Variants in TDRD3 observed in about 807,000 individuals in gnomAD.
The protein encoded by TDRD3 is tudor domain-containing protein 3.
Under a neutral mutation model 86.7 loss-of-function variants are expected in TDRD3, and 45 were observed. The observed-to-expected ratio is 0.52, with a 90% CI of 0.41 to 0.67. The LOEUF (loss-of-function observed/expected upper bound fraction) is 0.67, where lower values mean the gene tolerates loss of function less well. TDRD3 is among the 30% of genes least tolerant of loss of function. TDRD3 has a pLI of 0.00. For missense variants in TDRD3, 814 were observed against 889.0 expected (o/e 0.92, Z 1.07); for synonymous variants, 298 against 301.7 (o/e 0.99, Z 0.13).
intron 7 of TDRD3, among the ~76,000 whole-genome samples, chr13:60,486,551 T>C (rs1440856886): frequency 6.6e-6 from 1 of 152,214 alleles, no homozygotes; most frequent in African/African-American, 2.4e-5. Flanking sequence ...GTGTATACAA[T>C]ATGTAATGAT....
At chr13:60,451,873 A>T (rs544914303) in intron 3 of TDRD3, among the ~76,000 whole-genome samples, 57 of 152,176 alleles carry the variant, frequency 3.7e-4, no homozygotes, top group African/African-American at 1.3e-3. Flanking sequence ...AATGATTAAG[A>T]CTCTTAAAAA....
chr13:60,483,817 G>C lies in TDRD3; in HGVS notation c.538G>C (p.Gly180Arg). The C allele has an allele frequency of 6.2e-7, 1 of 1,613,292 alleles. No individual in the cohort carries two copies. Among genetic ancestry groups the C allele is most frequent in the African/African-American group, 1.3e-5 (1 of 74,990 alleles). The change falls in exon 6 of 14, where the codon GGA (glycine) becomes CGA (arginine). Residue 180 changes from glycine (G) to arginine (R), a missense_variant. Gly to Arg is a moderately radical substitution (Grantham distance 125). Coordinates refer to ENST00000377881, the MANE Select transcript of TDRD3 (RefSeq NM_001146070.2). ...TAGAAGCAATATTGGAACTGAAGGT[G>C]GACCACCGCCTTTTGTGCCTTTTGG... ...HNRSNIGTEGGPPPFVPFGQK... is the reference protein window; with the variant it reads ...HNRSNIGTEGRPPPFVPFGQK...
At chr13:60,474,041 G>A (rs1286850537) in intron 5 of TDRD3, among the ~76,000 whole-genome samples, 3 of 152,112 alleles carry the variant, frequency 2.0e-5, no homozygotes, top group Non-Finnish European at 4.4e-5. Flanking sequence ...CTGTGATGCT[G>A]TACTTCAGTG....
At chr13:60,556,980 A>C (rs1958201976) in intron 12 of TDRD3, among the ~76,000 whole-genome samples, 3 of 152,104 alleles carry the variant, frequency 2.0e-5, no homozygotes, top group Non-Finnish European at 4.4e-5. Context: ...TGAGGCGGGC[A>C]GATCACCTGA....
At chr13:60,438,154 C>A (rs1406668074) in intron 1 of TDRD3, among the ~76,000 whole-genome samples, 1 of 151,878 alleles carries the variant, frequency 6.6e-6, no homozygotes, top group Non-Finnish European at 1.5e-5. Context: ...TTCACATAAG[C>A]GGGGCATAAT....
At chr13:60,534,501 G>A (rs1957655678) in intron 11 of TDRD3, among the ~76,000 whole-genome samples, 1 of 151,990 alleles carries the variant, frequency 6.6e-6, no homozygotes, top group African/African-American at 2.4e-5. Flanking sequence ...CTTCTTGCCT[G>A]ACATTCCTAC....
At chr13:60,570,441 C>T (rs935602318) in intron 13 of TDRD3, among the ~76,000 whole-genome samples, 1 of 152,116 alleles carries the variant, frequency 6.6e-6, no homozygotes, top group Non-Finnish European at 1.5e-5. Context: ...GAAAGGAGAA[C>T]CCTTTTACAT....
intron 1 of TDRD3, among the ~76,000 whole-genome samples, chr13:60,420,159 A>G (rs990018353): frequency 5.9e-5 from 9 of 152,116 alleles, no homozygotes; most frequent in Non-Finnish European, 1.3e-4. Context: ...AATTATTTCC[A>G]TAAAGGTTAA....
At chr13:60,490,050 G>GT (rs11397531) in intron 7 of TDRD3, among the ~76,000 whole-genome samples, 102,328 of 111,120 alleles carry the variant, frequency 0.92, 47,561 homozygotes, top group Middle Eastern at 0.97. Flanking sequence ...AAGCATCTTA[G>GT]TTTTTTTTTT....
chr13:60,481,603 CT>C (rs918245013), intron 5 of TDRD3, among the ~76,000 whole-genome samples: 5 of 151,538 alleles, frequency 3.3e-5, no homozygotes, highest in Non-Finnish European at 7.4e-5. Context: ...TTTGGTTCTT[CT>C]TTTTTTTGTA....
intron 13 of TDRD3, among the ~76,000 whole-genome samples, chr13:60,570,516 T>G (rs1050527355): frequency 1.3e-5 from 2 of 152,232 alleles, no homozygotes; most frequent in Non-Finnish European, 2.9e-5. Flanking sequence ...CTAAAAAAAC[T>G]GAAAATAGAA....
chr13:60,454,600 G>A (rs1955623876), intron 3 of TDRD3, among the ~76,000 whole-genome samples: 1 of 152,024 alleles, frequency 6.6e-6, no homozygotes, highest in Non-Finnish European at 1.5e-5. Flanking sequence ...GACTTACAGT[G>A]AGTTAAAGTG....
At chr13:60,560,379 G>A (rs1958304647) in intron 12 of TDRD3, among the ~76,000 whole-genome samples, 1 of 152,178 alleles carries the variant, frequency 6.6e-6, no homozygotes, top group East Asian at 1.9e-4. Context: ...TCAAATGGAA[G>A]AGGATCCATA....
At chr13:60,517,812 T>C (rs1957207366) in intron 10 of TDRD3, among the ~76,000 whole-genome samples, 1 of 152,224 alleles carries the variant, frequency 6.6e-6, no homozygotes, top group African/African-American at 2.4e-5. Flanking sequence ...ACTTAGTATC[T>C]AGTCAACAAA....
rs771203453 is a variant in TDRD3 at position 60,535,202 on chromosome 13, G to C, written c.2087G>C (p.Ser696Thr). The C allele has an allele frequency of 6.2e-7, 1 of 1,613,648 alleles. No homozygotes were observed. The highest frequency in any genetic ancestry group is 1.3e-5 in the African/African-American group (1 of 74,866). ...GGAAACTATGAAGAGGTGCTACTGA[G>C]CAATATCAAGCCCATTCAAACAGAG... ...DYGNYEEVLL[S>T]NIKPIQTEAW... is the part of the protein sequence containing the mutation. The change falls in exon 12 of 14, where the codon AGC becomes ACC. Residue 696 changes from serine (S) to threonine (T), a missense_variant. Transcript: ENST00000377881.
intron 13 of TDRD3, among the ~76,000 whole-genome samples, chr13:60,569,318 A>C (rs1958532078): frequency 6.6e-6 from 1 of 152,242 alleles, no homozygotes; most frequent in Non-Finnish European, 1.5e-5. Flanking sequence ...AATCCCAATT[A>C]AAATAGCTAC....
chr13:60,523,573 C>CTTTTTTTTT (rs67692021), intron 10 of TDRD3, among the ~76,000 whole-genome samples: 1 of 105,054 alleles, frequency 9.5e-6, no homozygotes, highest in Non-Finnish European at 1.9e-5. Context: ...ATACATTTTT[C>CTTTTTTTTT]TTTTTTTTTT....
At chr13:60,530,616 A>G (rs1044076397) in intron 11 of TDRD3, among the ~76,000 whole-genome samples, 6 of 125,118 alleles carry the variant, frequency 4.8e-5, no homozygotes, top group Non-Finnish European at 1.0e-4. Context: ...AATTTTTTGT[A>G]TTTTTTTTTT....
chr13:60,449,219 AAT>A (rs1367961814), intron 3 of TDRD3, among the ~76,000 whole-genome samples: 25 of 152,272 alleles, frequency 1.6e-4, no homozygotes, highest in African/African-American at 5.5e-4. Context: ...TTAATAAAAT[AAT>A]ATGTTTCCTA....
Sources: gnomAD v4.1 joint callset for allele counts (sites outside exome capture counted in the v4.1 genomes callset) on GRCh38, gnomAD v4.1.1 for gene constraint, MANE v1.5 for transcripts, NCBI Gene and HGNC (gene_info 2026-07-23, HGNC 2026-07-21) for gene names.